Variants in ADAMTSL1 observed in about 807,000 individuals in gnomAD.
ADAMTSL1 encodes ADAMTS-like protein 1.
ADAMTSL1 carries 126 observed loss-of-function variants against 201.8 expected under a neutral mutation model. That is an observed-to-expected ratio of 0.62 (90% CI 0.54 to 0.72). The LOEUF is 0.72. Ranked by LOEUF, ADAMTSL1 falls within the 30% of genes least tolerant of loss-of-function variation. ADAMTSL1 has a pLI of 0.00. For missense variants in ADAMTSL1, 2,679 were observed against 2,277.8 expected (o/e 1.18, Z -3.59); for synonymous variants, 1,121 against 903.4 (o/e 1.24, Z -4.32).
At chr9:18,719,044 A>C (rs969798303) in intron 14 of ADAMTSL1, among the ~76,000 whole-genome samples, 14 of 152,208 alleles carry the variant, frequency 9.2e-5, no homozygotes, top group African/African-American at 3.4e-4. Context: ...ATACTAGACT[A>C]TTCCAGTGGG....
In ADAMTSL1 at chr9:18,898,945, C is replaced by T. The variant is rs928167921; in HGVS notation, c.4851+6349C>T. Among the ~76,000 whole-genome samples, 8 of 152,244 alleles carry T rather than the reference C, an allele frequency of 5.3e-5. No homozygotes were observed. In the Middle Eastern group the frequency reaches 0.014, roughly 259 times the overall value. ...TAGGCAATGTAGTATTGGAAGTTCT[C>T]GCCAGGGCAATCAGGCAAGAGAAAG... is the stretch of plus-strand genomic sequence containing the variant. On this transcript the variant is annotated intron_variant, in intron 26 of 28. Transcript: ENST00000380548.
chr9:18,121,925 T>C (rs1587099106), intron 1 of ADAMTSL1, among the ~76,000 whole-genome samples: 1 of 152,128 alleles, frequency 6.6e-6, no homozygotes, highest in Non-Finnish European at 1.5e-5. Context: ...TCCCATGTCC[T>C]CCTCTACCCA....
At chr9:17,931,416 C>A (rs1826781918) in intron 1 of ADAMTSL1, among the ~76,000 whole-genome samples, 1 of 152,088 alleles carries the variant, frequency 6.6e-6, no homozygotes, top group Admixed American at 6.6e-5. Context: ...TGTTTTCTTT[C>A]ATCATCCATC....
chr9:18,465,096 A>G (rs1466940789), intron 2 of ADAMTSL1, among the ~76,000 whole-genome samples: 2 of 152,238 alleles, frequency 1.3e-5, no homozygotes, highest in Non-Finnish European at 2.9e-5. Context: ...AGTTTACAGA[A>G]TCTCAGGAGT....
chr9:18,626,829 C>CTT (rs1564099409), intron 5 of ADAMTSL1, among the ~76,000 whole-genome samples: 40 of 139,042 alleles, frequency 2.9e-4, no homozygotes, highest in African/African-American at 1.0e-3. Flanking sequence ...TTCTTTCTTT[C>CTT]TTACTTTCTT....
intron 1 of ADAMTSL1, among the ~76,000 whole-genome samples, chr9:18,013,830 G>A (rs1341183130): frequency 6.6e-6 from 1 of 151,956 alleles, no homozygotes; most frequent in Non-Finnish European, 1.5e-5. Flanking sequence ...TTCTCATCTT[G>A]CCAGTTGAAC....
At chr9:18,248,665 C>T (rs940918126) in intron 2 of ADAMTSL1, among the ~76,000 whole-genome samples, 2 of 152,118 alleles carry the variant, frequency 1.3e-5, no homozygotes, top group Non-Finnish European at 2.9e-5. Context: ...TTCCACGTGC[C>T]GTTCATTCAG....
At chr9:18,721,430 C>G in intron 14 of ADAMTSL1, 106 bp from the exon 15 acceptor site, 1 of 1,473,006 alleles carries the variant, frequency 6.8e-7, no homozygotes, top group South Asian at 1.3e-5. Context: ...CAGCGAGAGT[C>G]CTACAGAACA....
intron 3 of ADAMTSL1, 45 bp from the exon 4 acceptor site, chr9:18,573,985 G>A (rs576641191): frequency 3.3e-6 from 5 of 1,514,234 alleles, no homozygotes; most frequent in Non-Finnish European, 4.5e-6. Context: ...ATGTTTGGGG[G>A]TATCCTCCTA....
At chr9:18,515,207 T>C (rs1444125203) in intron 2 of ADAMTSL1, among the ~76,000 whole-genome samples, 1 of 152,172 alleles carries the variant, frequency 6.6e-6, no homozygotes, top group Admixed American at 6.5e-5. Flanking sequence ...GCTCTCCAAA[T>C]GATTTTAGTG....
intron 1 of ADAMTSL1, among the ~76,000 whole-genome samples, chr9:17,961,363 C>G (rs776935445): frequency 2.0e-5 from 3 of 152,094 alleles, no homozygotes; most frequent in Non-Finnish European, 4.4e-5. Flanking sequence ...ATTCTCCTGC[C>G]TCCGCCTCCT....
chr9:18,254,061 A>G (rs1300229085), intron 2 of ADAMTSL1, among the ~76,000 whole-genome samples: 1 of 152,144 alleles, frequency 6.6e-6, no homozygotes, highest in Non-Finnish European at 1.5e-5. Context: ...TCGAGTGATT[A>G]AGAGCCTGAG....
intron 1 of ADAMTSL1, among the ~76,000 whole-genome samples, chr9:18,162,777 A>G (rs1454721675): frequency 6.6e-6 from 1 of 152,038 alleles, no homozygotes; most frequent in Non-Finnish European, 1.5e-5. Context: ...GAGAGTTAAA[A>G]AGACAATGTG....
At chr9:18,381,224 A>C (rs73432633) in intron 2 of ADAMTSL1, among the ~76,000 whole-genome samples, 1,920 of 152,288 alleles carry the variant, frequency 0.013, 41 homozygotes, top group African/African-American at 0.044. Context: ...TTTTCCATTC[A>C]TCTTTTCCCT....
intron 4 of ADAMTSL1, among the ~76,000 whole-genome samples, chr9:18,596,464 C>G (rs868737301): frequency 1.3e-5 from 2 of 152,202 alleles, no homozygotes; most frequent in Middle Eastern, 3.4e-3. Flanking sequence ...TTAATGAAAG[C>G]CAATATTTAT....
rs539042900 is a variant in ADAMTSL1, at chr9:18,692,102, C to T, written c.1574+7302C>T. On this transcript the variant is annotated intron_variant, in intron 13 of 28. Transcript: ENST00000380548. ...CTTACACCACCTTACTTCCTTTCTTCGTCTACACTTCTGAGGGTCTTTGAA... is the reference window on the plus strand; with the variant it reads ...CTTACACCACCTTACTTCCTTTCTTTGTCTACACTTCTGAGGGTCTTTGAA... Among the ~76,000 whole-genome samples, 27 of 152,250 alleles carry T rather than the reference C, an allele frequency of 1.8e-4. No individual in the cohort carries two copies. The South Asian group carries it at 1.9e-3, about 11-fold the overall frequency.
chr9:18,078,752 C>G (rs556962809), intron 1 of ADAMTSL1, among the ~76,000 whole-genome samples: 1 of 152,100 alleles, frequency 6.6e-6, no homozygotes, highest in East Asian at 1.9e-4. Flanking sequence ...TCCAGAAGCC[C>G]AGTCCACCCA....
At chr9:18,054,877 C>T (rs1822105554) in intron 1 of ADAMTSL1, among the ~76,000 whole-genome samples, 2 of 152,162 alleles carry the variant, frequency 1.3e-5, no homozygotes, top group South Asian at 2.1e-4. Context: ...TGAAGTTCCC[C>T]TGCCCCCGCA....
At chr9:18,055,650 A>G (rs982967674) in intron 1 of ADAMTSL1, among the ~76,000 whole-genome samples, 28 of 152,230 alleles carry the variant, frequency 1.8e-4, no homozygotes, top group African/African-American at 3.1e-4. Flanking sequence ...TGCTTCATCT[A>G]TATGTCACCT....
Sources: allele counts gnomAD v4.1 joint callset (sites outside exome capture counted in the v4.1 genomes callset), GRCh38; gene constraint gnomAD v4.1.1; transcripts MANE v1.5; gene names NCBI Gene and HGNC (gene_info 2026-07-23, HGNC 2026-07-21).